Variants in DOCK11 observed in about 807,000 individuals in gnomAD.
DOCK11 encodes the protein dedicator of cytokinesis protein 11.
DOCK11 carries 70 observed loss-of-function variants against 169.1 expected under a neutral mutation model. The ratio of observed to expected loss-of-function variants is 0.41; its 90% CI spans 0.34 to 0.51. The LOEUF (loss-of-function observed/expected upper bound fraction) is 0.51. Among genes scored for constraint, DOCK11 ranks in the 20% least tolerant of loss-of-function variants. The pLI is 0.10. For synonymous variants in DOCK11, 529 were observed against 541.3 expected, an observed-to-expected ratio of 0.98 and a Z score of 0.32; for missense variants, 1,166 against 1,538.8, an observed-to-expected ratio of 0.76 and a Z score of 4.05.
At chrX:118,530,044 A>G (rs2011473644) in intron 1 of DOCK11, among the ~76,000 whole-genome samples, 1 of 112,464 alleles carries the variant, frequency 8.9e-6, no homozygotes, top group South Asian at 3.7e-4. Context: ...TTTCTCATCA[A>G]AAGTTGGACC....
chrX:118,514,747 C>A (rs926668809), intron 1 of DOCK11, among the ~76,000 whole-genome samples: 4 of 112,451 alleles, frequency 3.6e-5, no homozygotes, highest in Non-Finnish European at 5.6e-5. Flanking sequence ...CGGGGATGCC[C>A]TTACAAGCCC....
chrX:118,630,852 G>T (rs1039896012), intron 35 of DOCK11, among the ~76,000 whole-genome samples: 8 of 112,047 alleles, frequency 7.1e-5, no homozygotes, highest in Admixed American at 6.6e-4. Context: ...TAATACTTCA[G>T]CTTTTATTTA....
intron 35 of DOCK11, among the ~76,000 whole-genome samples, chrX:118,635,312 G>A (rs2015359522): frequency 8.9e-6 from 1 of 111,835 alleles, no homozygotes; most frequent in African/African-American, 3.2e-5. Flanking sequence ...AGGAGGGTCT[G>A]CTGACACCAT....
chrX:118,555,434 A>C (rs957970499), intron 6 of DOCK11, among the ~76,000 whole-genome samples: 3 of 110,710 alleles, frequency 2.7e-5, no homozygotes, highest in Non-Finnish European at 5.7e-5. Flanking sequence ...ACACACACCT[A>C]TAGTCCCACC....
intron 1 of DOCK11, among the ~76,000 whole-genome samples, chrX:118,512,566 T>C (rs932236507): frequency 1.1e-4 from 12 of 111,629 alleles, no homozygotes; most frequent in African/African-American, 3.9e-4. Context: ...AGTTAAGGAA[T>C]TGAGAAAATA....
intron 1 of DOCK11, among the ~76,000 whole-genome samples, chrX:118,519,369 G>A (rs1374223788): frequency 7.2e-5 from 8 of 111,614 alleles, no homozygotes; most frequent in Admixed American, 9.5e-5. Flanking sequence ...CCAACATGGC[G>A]AAACCCCATC....
At chrX:118,666,108 T>C (rs1358297876) in intron 45 of DOCK11, among the ~76,000 whole-genome samples, 2 of 110,718 alleles carry the variant, frequency 1.8e-5, no homozygotes, top group Non-Finnish European at 3.8e-5. Flanking sequence ...AATATAAAAA[T>C]TAGCCGAGCG....
intron 48 of DOCK11, among the ~76,000 whole-genome samples, chrX:118,678,467 TTTTTA>T (rs1197468039): frequency 2.7e-5 from 3 of 111,857 alleles, no homozygotes; most frequent in African/African-American, 6.5e-5. Context: ...TTTTCTTTTC[TTTTTA>T]TTTTATTTTA....
intron 10 of DOCK11, among the ~76,000 whole-genome samples, chrX:118,568,619 A>G (rs1028266834): frequency 4.6e-5 from 5 of 108,368 alleles, no homozygotes; most frequent in African/African-American, 1.3e-4. Context: ...GTAGGCCTGT[A>G]GAACTAGGAT....
chrX:118,676,446 A>G, intron 47 of DOCK11, 145 bp from the exon 48 acceptor site: 1 of 344,584 alleles, frequency 2.9e-6, no homozygotes, highest in Non-Finnish European at 4.9e-6. Context: ...TGAAATTAAA[A>G]GGGTAAATAC....
chrX:118,534,940 T>C (rs1487184825), intron 1 of DOCK11, among the ~76,000 whole-genome samples: 1 of 111,326 alleles, frequency 9.0e-6, no homozygotes, highest in East Asian at 2.8e-4. Context: ...GTAAAAGACC[T>C]AAGGTGCTAA....
chrX:118,584,804 C>T lies in DOCK11; in HGVS notation c.1665C>T (p.Asp555=), dbSNP rs777224186. Residue 555 remains aspartate (D), a synonymous_variant, in exon 15 of 53, where the codon GAC becomes GAT. Transcript: ENST00000276202. ...GATTTTCTCCTCTGTATAAACAAGA[C>T]AGTAGCAAGCTTTCAAGTGAAGACA... ...DGRFSPLYKQ[D]SSKLSSEDIL... The T allele has an allele frequency of 1.7e-6, 2 of 1,202,271 alleles. No individual in the cohort carries two copies. Among genetic ancestry groups the T allele is most frequent in the South Asian group, 3.7e-5 (2 of 54,481 alleles).
At chrX:118,678,450 T>G (rs903468539) in intron 48 of DOCK11, among the ~76,000 whole-genome samples, 2 of 111,776 alleles carry the variant, frequency 1.8e-5, no homozygotes, top group African/African-American at 6.5e-5. Flanking sequence ...TATCAAGATG[T>G]ATATTTTTTT....
intron 32 of DOCK11, among the ~76,000 whole-genome samples, chrX:118,625,756 G>A (rs1358798935): frequency 9.0e-6 from 1 of 111,441 alleles, no homozygotes; most frequent in Non-Finnish European, 1.9e-5. Context: ...TTCTTGGTGA[G>A]ACTCTTTTAG....
chrX:118,635,205 G>T (rs1396434046), intron 35 of DOCK11, among the ~76,000 whole-genome samples: 1 of 111,884 alleles, frequency 8.9e-6, no homozygotes, highest in Non-Finnish European at 1.9e-5. Context: ...AGCCAACATT[G>T]TCTTGTCTTC....
intron 31 of DOCK11, among the ~76,000 whole-genome samples, chrX:118,620,166 C>T (rs1352160227): frequency 9.0e-6 from 1 of 111,414 alleles, no homozygotes; most frequent in Non-Finnish European, 1.9e-5. Context: ...ACATTAAATC[C>T]TGTTGGCTTG....
chrX:118,656,647 G>C (rs1331314191), intron 44 of DOCK11, among the ~76,000 whole-genome samples: 1 of 112,241 alleles, frequency 8.9e-6, no homozygotes, highest in Non-Finnish European at 1.9e-5. Flanking sequence ...CAGAGAAATA[G>C]ATTAATATTA....
intron 19 of DOCK11, 114 bp downstream of exon 19, chrX:118,590,416 G>A (rs1428485035): frequency 2.0e-5 from 12 of 609,066 alleles, no homozygotes; most frequent in Admixed American, 3.3e-5. Flanking sequence ...TTTGTTCCAT[G>A]AAAACAGAAA....
chrX:118,557,906 G>A (rs1376210387), intron 6 of DOCK11, among the ~76,000 whole-genome samples: 1 of 108,802 alleles, frequency 9.2e-6, no homozygotes, highest in Non-Finnish European at 1.9e-5. Context: ...TGGAGGATTT[G>A]GGCAAGATTC....
Sources: allele counts gnomAD v4.1 joint callset (sites outside exome capture counted in the v4.1 genomes callset), GRCh38; gene constraint gnomAD v4.1.1; transcripts MANE v1.5; gene names NCBI Gene and HGNC (gene_info 2026-07-23, HGNC 2026-07-21).